LY75: variants seen among roughly 807,000 people sequenced by gnomAD.
LY75 encodes lymphocyte antigen 75.
A neutral mutation model predicts 231.7 loss-of-function variants in LY75; 185 were observed. The ratio of observed to expected loss-of-function variants is 0.80; its 90% confidence interval spans 0.71 to 0.90. The LOEUF is 0.90. Among genes scored for constraint, LY75 ranks in the 40% least tolerant of loss-of-function variants. The pLI is 0.00. For synonymous variants in LY75, 668 were observed against 689.0 expected (o/e 0.97, Z 0.48); for missense variants, 1,947 against 2,050.2 (o/e 0.95, Z 0.97).
intron 9 of LY75, 153 bp from the exon 10 acceptor site, chr2:159,878,874 A>G (rs1235491127): frequency 5.8e-6 from 2 of 346,070 alleles, no homozygotes; most frequent in Non-Finnish European, 8.1e-6. Flanking sequence ...GGTGGGATGC[A>G]ATTTCACAGA....
chr2:159,886,749 T>C (rs1685599873), intron 4 of LY75, among the ~76,000 whole-genome samples: 1 of 152,168 alleles, frequency 6.6e-6, no homozygotes, highest in South Asian at 2.1e-4. Context: ...TCAGTTCTGC[T>C]CTCCTATTAG....
Position 159,835,574 on chromosome 2 carries a change from T to C in LY75, c.3579A>G (p.Gln1193=). The C allele has an allele frequency of 1.9e-6, 3 of 1,613,748 alleles. No homozygotes were observed. The highest frequency in any genetic ancestry group is 2.5e-6 in the Non-Finnish European group (3 of 1,179,878). ...TGTCTAATACTACACAGTCTTCGAG[T>C]TGCCCATTAGTTTCAGCCCAGCGAC... ...HFSRWAETNG[Q]LEDCVVLDTD... Residue 1193 remains glutamine (Q), a synonymous_variant, in exon 26 of 35, where the codon CAA becomes CAG. Coordinates refer to ENST00000263636, the MANE Select transcript of LY75 (RefSeq NM_002349.4).
chr2:159,885,333 G>C lies in LY75; in HGVS notation c.914-40C>G, dbSNP rs749118869. 6.3e-6 allele frequency: 10 copies of C among 1,595,956 alleles called. No individual in the cohort carries two copies. In the South Asian group the frequency reaches 1.1e-4, roughly 18 times the overall value. On this transcript the variant is annotated intron_variant, in intron 5 of 34. Transcript: ENST00000263636. The stretch of plus-strand genomic sequence containing the variant: ...TTTTTCAAAGCATTAGAATGAGAAA[G>C]TTAGGGCCAGGATGGTGTCAGAAAG...
intron 24 of LY75, 119 bp from the exon 25 acceptor site, chr2:159,841,074 AT>A: frequency 6.9e-7 from 1 of 1,446,776 alleles, no homozygotes; most frequent in Non-Finnish European, 9.1e-7. Context: ...TTGCCTATTT[AT>A]TTTAGATTTT....
intron 23 of LY75, among the ~76,000 whole-genome samples, chr2:159,844,750 C>G (rs1008236189): frequency 4.0e-5 from 6 of 150,324 alleles, no homozygotes; most frequent in Non-Finnish European, 7.4e-5. Context: ...CAATAGCTTC[C>G]CCACAAATCA....
At chr2:159,858,109 T>C (rs993729888) in intron 16 of LY75, among the ~76,000 whole-genome samples, 1 of 152,188 alleles carries the variant, frequency 6.6e-6, no homozygotes, top group Admixed American at 6.5e-5. Context: ...CTAATCTCCC[T>C]GAATGAGCCT....
intron 1 of LY75, among the ~76,000 whole-genome samples, chr2:159,900,707 T>G (rs1360467049): frequency 1.3e-5 from 2 of 152,224 alleles, no homozygotes; most frequent in African/African-American, 4.8e-5. Flanking sequence ...TTGTTTTAAA[T>G]AACAGAAGCA....
rs115980086 is a variant in LY75 at position 159,864,911 on chromosome 2, A to G, written c.2127T>C (p.His709=). The G allele has an allele frequency of 3.1e-6, 5 of 1,599,992 alleles. No individual in the cohort carries two copies. The African/African-American group carries it at 4.0e-5, about 13-fold the overall frequency. The stretch of plus-strand genomic sequence containing the variant: ...TTTTATTCAAACCAATCCACAGCCA[A>G]TGCTGGCCACTATGTAAAAAGCAAG... The part of the protein sequence containing the change: ...HFLTDQFSGQ[H]WLWIGLNKRS... The change falls in exon 14 of 35, where the codon CAT becomes CAC. Residue 709 remains histidine (H), a synonymous_variant. Transcript: ENST00000263636.
At chr2:159,814,725 G>A (rs1298008930) in intron 31 of LY75, among the ~76,000 whole-genome samples, 1 of 150,716 alleles carries the variant, frequency 6.6e-6, no homozygotes, top group Non-Finnish European at 1.5e-5. Flanking sequence ...GAAAAGAAAA[G>A]AAAAGAAACT....
chr2:159,835,635 T>C lies in LY75; in HGVS notation c.3518A>G (p.Asn1173Ser), dbSNP rs1683796710. 8 of 1,613,550 alleles carry C rather than the reference T, an allele frequency of 5.0e-6. No homozygotes were observed. The East Asian group carries it at 1.6e-4, about 31-fold the overall frequency. ...ACGTTTCCCATCTGACCAACCAAAG[T>C]TGAGTTCATCCTGTAAGGAGCAGAA... ...IGLFSQDDEL[N>S]FGWSDGKRLH... Residue 1173 changes from asparagine to serine, a missense_variant, in exon 26 of 35, where the codon AAC becomes AGC. Transcript: ENST00000263636.
chr2:159,898,283 C>T (rs1019428366), intron 2 of LY75, among the ~76,000 whole-genome samples: 4 of 152,078 alleles, frequency 2.6e-5, no homozygotes, highest in African/African-American at 9.7e-5. Context: ...CCTGACCTTT[C>T]TTCTTCTTTT....
At chr2:159,890,605 C>A (rs1685722944) in intron 3 of LY75, among the ~76,000 whole-genome samples, 3 of 152,110 alleles carry the variant, frequency 2.0e-5, no homozygotes. Context: ...TTCCATTCTC[C>A]TTTTATCCCT....
At chr2:159,839,695 G>A (rs11896642) in intron 25 of LY75, among the ~76,000 whole-genome samples, 16,393 of 152,154 alleles carry the variant, frequency 0.11, 2,645 homozygotes, top group African/African-American at 0.35. Context: ...ACGGTGCCCA[G>A]CCATGCTGCT....
rs1006510366 is a variant in LY75 at position 159,849,982 on chromosome 2, T to G, written c.3148A>C (p.Asn1050His). 13 of 1,607,962 alleles carry G rather than the reference T, an allele frequency of 8.1e-6. No individual in the cohort carries two copies. The highest frequency in any genetic ancestry group is 1.7e-4 in the Middle Eastern group (1 of 6,008). ...LVSGRLRIPENFFEEESRYHC... is the reference protein window; with the variant it reads ...LVSGRLRIPEHFFEEESRYHC... ...TATTGGTTTTTAAAAAAACTTACAT[T>G]TTCTGGTATTCTCAGCCTCCCACTA... Residue 1050 changes from asparagine to histidine, a missense_variant and splice_region_variant, in exon 23 of 35, where the codon AAT (asparagine) becomes CAT (histidine). Transcript: ENST00000263636.
In LY75 at chr2:159,880,752, G is replaced by C. The variant is rs562835522; in HGVS notation, c.1404+331C>G. On this transcript the variant is annotated intron_variant, in intron 8 of 34. Coordinates refer to ENST00000263636, the MANE Select transcript of LY75 (RefSeq NM_002349.4). Reference sequence around the variant, plus strand: ...TCCACAGAGGGTGGGGAAGAGGATAGTTTTGGGATGAAACTGTTCCACAAG... The same window carrying C: ...TCCACAGAGGGTGGGGAAGAGGATACTTTTGGGATGAAACTGTTCCACAAG... Among the ~76,000 whole-genome samples the C allele has an allele frequency of 1.4e-4, 21 of 152,340 alleles. No individual in the cohort carries two copies. In the East Asian group the frequency reaches 3.7e-3, roughly 27 times the overall value.
At chr2:159,840,636 C>A in intron 25 of LY75, 93 bp downstream of exon 25, 1 of 1,529,822 alleles carries the variant, frequency 6.5e-7, no homozygotes, top group South Asian at 1.2e-5. Context: ...TTCAGTTCTT[C>A]TGTTTGTTTT....
At chr2:159,890,485 C>A in intron 3 of LY75, 108 bp from the exon 4 acceptor site, 1 of 1,449,218 alleles carries the variant, frequency 6.9e-7, no homozygotes, top group Non-Finnish European at 9.3e-7. Context: ...TAGGATATGC[C>A]CAAAGGGAGA....
At chr2:159,904,547 G>A in intron 1 of LY75, 42 bp downstream of exon 1, 1 of 1,494,830 alleles carries the variant, frequency 6.7e-7, no homozygotes, top group South Asian at 1.2e-5. Context: ...CTGTGGCGTC[G>A]AGGCACCCAG....
At chr2:159,824,622 C>T (rs889999301) in intron 28 of LY75, among the ~76,000 whole-genome samples, 3 of 152,158 alleles carry the variant, frequency 2.0e-5, no homozygotes, top group Non-Finnish European at 4.4e-5. Context: ...ACCTAATAGC[C>T]ATCTACAGAA....
Sources: gnomAD v4.1 joint callset for allele counts (sites outside exome capture counted in the v4.1 genomes callset) on GRCh38, gnomAD v4.1.1 for gene constraint, MANE v1.5 for transcripts, NCBI Gene and HGNC (gene_info 2026-07-23, HGNC 2026-07-21) for gene names.